Variants in GRID1 observed in about 807,000 individuals in gnomAD.
GRID1 encodes glutamate receptor ionotropic, delta-1.
A neutral mutation model predicts 98.0 loss-of-function variants in GRID1; 28 were observed. The observed-to-expected ratio is 0.29, with a 90% CI of 0.21 to 0.39. The LOEUF is 0.39. GRID1 is among the 10% of genes least tolerant of loss of function. The pLI is 1.00. For synonymous variants in GRID1, 553 were observed against 538.5 expected (o/e 1.03, Z -0.37); for missense variants, 1,111 against 1,340.5 (o/e 0.83, Z 2.67).
At chr10:85,653,353 G>A (rs945847094) in intron 12 of GRID1, among the ~76,000 whole-genome samples, 20 of 152,244 alleles carry the variant, frequency 1.3e-4, no homozygotes, top group African/African-American at 4.6e-4. Flanking sequence ...TTGACATCTA[G>A]GGCATGTGTT....
At chr10:85,830,959 G>T (rs1842862272) in intron 8 of GRID1, among the ~76,000 whole-genome samples, 1 of 152,070 alleles carries the variant, frequency 6.6e-6, no homozygotes, top group African/African-American at 2.4e-5. Flanking sequence ...TCGTTATTGG[G>T]TATATATCCA....
chr10:85,819,006 C>T (rs937603240), intron 8 of GRID1, among the ~76,000 whole-genome samples: 3 of 152,050 alleles, frequency 2.0e-5, no homozygotes, highest in African/African-American at 4.8e-5. Flanking sequence ...CAGGAGTGAG[C>T]CACCATGTCC....
At chr10:85,791,585 T>A (rs1162738805) in intron 8 of GRID1, among the ~76,000 whole-genome samples, 1 of 151,906 alleles carries the variant, frequency 6.6e-6, no homozygotes, top group African/African-American at 2.4e-5. Context: ...AGTGACAATA[T>A]ATATATGAAC....
At chr10:85,660,962 G>C (rs1391501789) in intron 12 of GRID1, among the ~76,000 whole-genome samples, 1 of 152,164 alleles carries the variant, frequency 6.6e-6, no homozygotes, top group East Asian at 1.9e-4. Flanking sequence ...AATATTCATG[G>C]ATTGAGTGAA....
chr10:86,271,990 A>G (rs1847192744), intron 2 of GRID1, among the ~76,000 whole-genome samples: 1 of 152,208 alleles, frequency 6.6e-6, no homozygotes, highest in Non-Finnish European at 1.5e-5. Context: ...TATAATCAAA[A>G]TGCTCAAAAT....
chr10:86,194,757 T>C (rs1410876726), intron 3 of GRID1, among the ~76,000 whole-genome samples: 3 of 152,060 alleles, frequency 2.0e-5, no homozygotes, highest in Non-Finnish European at 2.9e-5. Context: ...ACCCCTCACA[T>C]TGGGCTGGTC....
At chr10:86,125,879 T>C (rs1039645731) in intron 4 of GRID1, among the ~76,000 whole-genome samples, 3 of 152,218 alleles carry the variant, frequency 2.0e-5, no homozygotes, top group Admixed American at 6.5e-5. Context: ...CGTAAGAATA[T>C]AGTATATAAT....
chr10:86,005,945 A>C (rs916062351), intron 4 of GRID1, among the ~76,000 whole-genome samples: 19 of 152,220 alleles, frequency 1.2e-4, no homozygotes, highest in African/African-American at 4.3e-4. Flanking sequence ...CTGTATATTT[A>C]ATGCAATTCT....
chr10:85,916,138 C>T lies in GRID1; in HGVS notation c.780+48G>A, dbSNP rs763592122. On this transcript the variant is annotated intron_variant, in intron 5 of 15. Coordinates refer to ENST00000327946, the MANE Select transcript of GRID1 (RefSeq NM_017551.3). The surrounding 1 kb of genome is among the most constrained non-coding windows in gnomAD (Gnocchi z 4.0). ...GAATCACACTGAGCTTTACAAGGGGCTAGGGGCTCAGTCCAGGCCGTGCTC... is the reference window on the plus strand; with the variant it reads ...GAATCACACTGAGCTTTACAAGGGGTTAGGGGCTCAGTCCAGGCCGTGCTC... The T allele has an allele frequency of 3.7e-6, 5 of 1,364,318 alleles. No individual in the cohort carries two copies. Among genetic ancestry groups the T allele is most frequent in the Admixed American group, 1.7e-5 (1 of 59,246 alleles). The allele number at this position is 1,364,318 out of a possible 1,614,324, so 84.5% of individuals were successfully genotyped here.
chr10:85,820,446 T>G (rs1462584639), intron 8 of GRID1, among the ~76,000 whole-genome samples: 3 of 152,178 alleles, frequency 2.0e-5, no homozygotes, highest in African/African-American at 4.8e-5. Context: ...ATTGGGACGC[T>G]AAGGATGTGG....
At chr10:85,965,166 G>A (rs570343485) in intron 4 of GRID1, among the ~76,000 whole-genome samples, 1 of 152,336 alleles carries the variant, frequency 6.6e-6, no homozygotes, top group South Asian at 2.1e-4. Flanking sequence ...TGGAGAAAAT[G>A]AATGCTTTTA....
At chr10:85,933,445 C>T (rs904472392) in intron 4 of GRID1, among the ~76,000 whole-genome samples, 3 of 152,102 alleles carry the variant, frequency 2.0e-5, no homozygotes, top group Non-Finnish European at 2.9e-5. Flanking sequence ...TTTCAATATA[C>T]TACCTAATAT....
At chr10:86,104,262 T>A (rs115537800) in intron 4 of GRID1, among the ~76,000 whole-genome samples, 3 of 152,146 alleles carry the variant, frequency 2.0e-5, no homozygotes, top group Non-Finnish European at 4.4e-5. Flanking sequence ...CAGGGTGCAG[T>A]TGGGACCCCA....
At chr10:85,661,717 C>T (rs1231302073) in intron 12 of GRID1, among the ~76,000 whole-genome samples, 3 of 152,180 alleles carry the variant, frequency 2.0e-5, no homozygotes, top group African/African-American at 7.2e-5. Flanking sequence ...GCTTTTCTGA[C>T]TCTTAACAAC....
At chr10:85,663,794 G>A (rs2132573661) in intron 12 of GRID1, among the ~76,000 whole-genome samples, 1 of 152,294 alleles carries the variant, frequency 6.6e-6, no homozygotes, top group Non-Finnish European at 1.5e-5. Flanking sequence ...GTGAATAAAT[G>A]AATAGGATGA....
intron 4 of GRID1, among the ~76,000 whole-genome samples, chr10:86,057,732 C>T (rs1843594065): frequency 6.6e-6 from 1 of 152,146 alleles, no homozygotes; most frequent in South Asian, 2.1e-4. Context: ...CGGGCCATTT[C>T]CTCAGTTACT....
intron 2 of GRID1, among the ~76,000 whole-genome samples, chr10:86,316,298 G>A (rs1426770028): frequency 1.3e-5 from 2 of 152,202 alleles, no homozygotes; most frequent in Non-Finnish European, 2.9e-5. Context: ...ATCACATCAC[G>A]CTCACTGTCC....
At chr10:86,310,176 A>G (rs1040679955) in intron 2 of GRID1, among the ~76,000 whole-genome samples, 1 of 152,182 alleles carries the variant, frequency 6.6e-6, no homozygotes, top group Non-Finnish European at 1.5e-5. Context: ...ATTTTGAGGC[A>G]GCCCTCATAC....
chr10:85,852,229 G>C (rs1002022225), intron 8 of GRID1, among the ~76,000 whole-genome samples: 1 of 152,194 alleles, frequency 6.6e-6, no homozygotes, highest in South Asian at 2.1e-4. Context: ...ATGACAAAAA[G>C]ATACATTTTA....
Sources: gnomAD v4.1 joint callset for allele counts (sites outside exome capture counted in the v4.1 genomes callset) on GRCh38, gnomAD v4.1.1 for gene constraint, Gnocchi (gnomAD v3.1) non-coding constraint, MANE v1.5 for transcripts, NCBI Gene and HGNC (gene_info 2026-07-23, HGNC 2026-07-21) for gene names.